PHF24: variants seen among roughly 807,000 people sequenced by gnomAD.
PHF24 encodes PHD finger protein 24.
A neutral mutation model predicts 42.6 loss-of-function variants in PHF24; 25 were observed. That is an observed-to-expected ratio of 0.59 (90% CI 0.43 to 0.82). The LOEUF (loss-of-function observed/expected upper bound fraction) is 0.82, where lower values mean the gene tolerates loss of function less well. PHF24 is among the 40% of genes least tolerant of loss of function. The pLI is 0.00. For synonymous variants in PHF24, 185 were observed against 204.8 expected (o/e 0.90, Z 0.83); for missense variants, 470 against 538.1 (o/e 0.87, Z 1.25).
At chr9:34,807,229 T>G in the PHF24 span, among the ~76,000 whole-genome samples, 1 of 152,208 alleles carries the variant, frequency 6.6e-6, no homozygotes, top group African/African-American at 2.4e-5. Context: ...TATTCCTAGT[T>G]TGTTGTGCAC....
chr9:34,704,510 T>C, the PHF24 span, among the ~76,000 whole-genome samples: 1 of 151,140 alleles, frequency 6.6e-6, no homozygotes, highest in Non-Finnish European at 1.5e-5. Context: ...TGTTATCATT[T>C]TGTGGAAGAG....
At chr9:34,725,781 A>C in the PHF24 span, 1 of 1,548,664 alleles carries the variant, frequency 6.5e-7, no homozygotes, top group Non-Finnish European at 8.7e-7. Flanking sequence ...GGTGGGGCTG[A>C]CTGGGGTGAA....
At chr9:34,673,467 G>C in the PHF24 span, among the ~76,000 whole-genome samples, 1 of 151,550 alleles carries the variant, frequency 6.6e-6, no homozygotes, top group Non-Finnish European at 1.5e-5. Flanking sequence ...CTTTTTTGTT[G>C]TTGTTGTTTG....
At chr9:34,930,858 C>T in the PHF24 span, among the ~76,000 whole-genome samples, 1 of 152,222 alleles carries the variant, frequency 6.6e-6, no homozygotes, top group East Asian at 1.9e-4. Flanking sequence ...AAACTGCATC[C>T]CAGTTTGAAA....
the PHF24 span, among the ~76,000 whole-genome samples, chr9:34,764,325 T>G: frequency 3.3e-5 from 5 of 151,632 alleles, no homozygotes; most frequent in Non-Finnish European, 7.4e-5. Context: ...ATCCATCTGG[T>G]CCTGGACTCT....
the PHF24 span, chr9:34,922,437 G>C: frequency 6.4e-5 from 87 of 1,363,412 alleles, no homozygotes; most frequent in African/African-American, 1.1e-3. Context: ...AGGATATGTT[G>C]GTTGCATTTC....
chr9:34,776,966 GATTT>G, the PHF24 span, among the ~76,000 whole-genome samples: 1 of 152,232 alleles, frequency 6.6e-6, no homozygotes, highest in Admixed American at 6.5e-5. Flanking sequence ...GTCTTTGTAT[GATTT>G]ATTTGGCTGT....
chr9:34,740,819 T>A, the PHF24 span, among the ~76,000 whole-genome samples: 1 of 152,322 alleles, frequency 6.6e-6, no homozygotes, highest in South Asian at 2.1e-4. Context: ...TTAAAAAGGA[T>A]GAGGTAGATA....
the PHF24 span, among the ~76,000 whole-genome samples, chr9:34,680,613 G>A: frequency 1.4e-5 from 2 of 147,510 alleles, no homozygotes; most frequent in East Asian, 2.0e-4. Flanking sequence ...GCGTGAACCC[G>A]GGAGGCGGAG....
chr9:34,789,560 G>A, the PHF24 span, among the ~76,000 whole-genome samples: 29 of 152,292 alleles, frequency 1.9e-4, no homozygotes, highest in Non-Finnish European at 4.0e-4. Flanking sequence ...AGTGTCAGGA[G>A]TTTGGTCTTC....
the PHF24 span, among the ~76,000 whole-genome samples, chr9:34,767,462 T>C: frequency 1.4e-3 from 213 of 152,326 alleles, no homozygotes; most frequent in African/African-American, 5.0e-3. Flanking sequence ...CTCAGACTGC[T>C]GTGCTAGCAA....
At chr9:34,900,076 G>A in the PHF24 span, among the ~76,000 whole-genome samples, 1 of 152,148 alleles carries the variant, frequency 6.6e-6, no homozygotes, top group African/African-American at 2.4e-5. Context: ...CAGAGGCATT[G>A]ACTCCACTTA....
chr9:34,757,284 G>A, the PHF24 span, among the ~76,000 whole-genome samples: 2 of 147,922 alleles, frequency 1.4e-5, no homozygotes, highest in East Asian at 3.9e-4. Flanking sequence ...TTTTTTTGTA[G>A]CTTTTGTAAA....
the PHF24 span, among the ~76,000 whole-genome samples, chr9:34,795,806 T>C: frequency 6.6e-6 from 1 of 152,020 alleles, no homozygotes; most frequent in South Asian, 2.1e-4. Flanking sequence ...AGATCAGCCT[T>C]GGCAACAAGA....
At chr9:34,884,282 G>C in the PHF24 span, among the ~76,000 whole-genome samples, 4 of 152,114 alleles carry the variant, frequency 2.6e-5, no homozygotes, top group Non-Finnish European at 4.4e-5. Flanking sequence ...TAAATGACGA[G>C]TTAATGGGTG....
At chr9:34,830,004 G>A in the PHF24 span, among the ~76,000 whole-genome samples, 13 of 152,166 alleles carry the variant, frequency 8.5e-5, no homozygotes, top group African/African-American at 2.7e-4. Context: ...GGAAAGACTG[G>A]GTCAGAAATG....
At chr9:34,721,428 TC>T in the PHF24 span, among the ~76,000 whole-genome samples, 12 of 149,224 alleles carry the variant, frequency 8.0e-5, 1 homozygote, top group East Asian at 2.0e-4. Context: ...TCTCTCTCTC[TC>T]TCTCGATGGA....
the PHF24 span, among the ~76,000 whole-genome samples, chr9:34,831,202 G>A: frequency 6.6e-6 from 1 of 152,348 alleles, no homozygotes; most frequent in South Asian, 2.1e-4. Flanking sequence ...AAGGGCTGGA[G>A]CTGCCAGGCT....
chr9:34,866,426 G>A, the PHF24 span, among the ~76,000 whole-genome samples: 2 of 152,100 alleles, frequency 1.3e-5, no homozygotes, highest in Non-Finnish European at 2.9e-5. Context: ...TTTCAAGGTG[G>A]TCAGCAATTG....
Sources: gnomAD v4.1 joint callset for allele counts (sites outside exome capture counted in the v4.1 genomes callset) on GRCh38, gnomAD v4.1.1 for gene constraint, MANE v1.5 for transcripts, NCBI Gene and HGNC (gene_info 2026-07-23, HGNC 2026-07-21) for gene names.